The following RIMS2 variants were observed in gnomAD, a reference collection of about 807,000 sequenced individuals.
RIMS2 encodes the protein regulating synaptic membrane exocytosis protein 2.
In RIMS2, 59 loss-of-function variants were observed where a neutral mutation model predicts 174.4. That is an observed-to-expected ratio of 0.34 (90% CI 0.27 to 0.42). The LOEUF (loss-of-function observed/expected upper bound fraction) is 0.42. Among genes scored for constraint, RIMS2 ranks in the 10% least tolerant of loss-of-function variants. RIMS2 has a pLI of 1.00. For missense variants in RIMS2, 1,620 were observed against 1,666.3 expected (o/e 0.97, Z 0.48); for synonymous variants, 606 against 572.5 (o/e 1.06, Z -0.84).
intron 19 of RIMS2, among the ~76,000 whole-genome samples, chr8:104,115,196 CT>C (rs1398872016): frequency 2.0e-5 from 3 of 152,020 alleles, no homozygotes; most frequent in Non-Finnish European, 4.4e-5. Context: ...CTGCCTTTCG[CT>C]TTTTTAAATT....
At chr8:104,190,178 T>C (rs2098990401) in intron 19 of RIMS2, among the ~76,000 whole-genome samples, 1 of 152,050 alleles carries the variant, frequency 6.6e-6, no homozygotes, top group South Asian at 2.1e-4. Context: ...GGTACATGGC[T>C]GTAGACCTAG....
chr8:103,931,288 G>T (rs1183573103), exon 12 of RIMS2: 3 of 1,602,212 alleles, frequency 1.9e-6, no homozygotes, highest in Non-Finnish European at 2.6e-6. Context: ...GACAAGGTTG[G>T]TCACCAATTA....
chr8:103,760,666 A>G (rs1246060435), intron 2 of RIMS2, among the ~76,000 whole-genome samples: 4 of 152,210 alleles, frequency 2.6e-5, no homozygotes, highest in Non-Finnish European at 1.5e-5. Flanking sequence ...TCCAAACACA[A>G]TGTGGGCCAG....
At position 103,958,667 on chromosome 8, in the gene RIMS2, A is replaced by G. The variant is rs1375035089; in HGVS notation, c.2702-2398A>G. Among the ~76,000 whole-genome samples, 4 of 152,210 alleles carry G rather than the reference A, an allele frequency of 2.6e-5. No individual in the cohort carries two copies. The South Asian group carries it at 6.2e-4, about 24-fold the overall frequency. The stretch of plus-strand genomic sequence containing the variant: ...GTACAAAAAACTAAACTCTAGGTGG[A>G]TTAATGACTGAAATATAATTTAAGC... On this transcript the variant is annotated intron_variant, in intron 14 of 23. Coordinates refer to ENST00000504942, the Ensembl canonical transcript of RIMS2.
intron 1 of RIMS2, among the ~76,000 whole-genome samples, chr8:103,662,672 G>GTCTATCTATCTA (rs61138262): frequency 1.5e-4 from 22 of 149,552 alleles, no homozygotes; most frequent in East Asian, 4.0e-4. Flanking sequence ...AGTCAGAAGA[G>GTCTATCTATCTA]TCTATCTATC....
chr8:103,850,036 A>G (rs1032969464), intron 3 of RIMS2, among the ~76,000 whole-genome samples: 2 of 152,050 alleles, frequency 1.3e-5, no homozygotes, highest in Admixed American at 1.3e-4. Flanking sequence ...CAATTACTGA[A>G]TGGATTCCAT....
At chr8:104,059,703 G>T (rs2096942045) in intron 19 of RIMS2, among the ~76,000 whole-genome samples, 1 of 150,256 alleles carries the variant, frequency 6.7e-6, no homozygotes, top group Non-Finnish European at 1.5e-5. Flanking sequence ...ATTGGCTGTG[G>T]GTTTGTCATA....
intron 19 of RIMS2, among the ~76,000 whole-genome samples, chr8:104,096,273 G>C (rs2097760687): frequency 6.6e-6 from 1 of 152,104 alleles, no homozygotes; most frequent in Non-Finnish European, 1.5e-5. Context: ...TGTTTGCCTG[G>C]AGCCCAGATC....
chr8:103,711,954 C>T (rs1269901877), intron 2 of RIMS2, among the ~76,000 whole-genome samples: 1 of 151,618 alleles, frequency 6.6e-6, no homozygotes, highest in East Asian at 1.9e-4. Flanking sequence ...CCCAATATAT[C>T]TGAAAATGCA....
At chr8:103,992,274 A>AATTTTTTTTTTTTTTT (rs1565726059) in intron 17 of RIMS2, among the ~76,000 whole-genome samples, 1 of 107,104 alleles carries the variant, frequency 9.3e-6, no homozygotes, top group Non-Finnish European at 1.8e-5. Flanking sequence ...ATGTCCAGCT[A>AATTTTTTTTTTTTTTT]TTTTTTTTTT....
At chr8:103,549,136 CT>C (rs1237671581) in intron 1 of RIMS2, among the ~76,000 whole-genome samples, 1 of 152,012 alleles carries the variant, frequency 6.6e-6, no homozygotes, top group Non-Finnish European at 1.5e-5. Flanking sequence ...CAAGATACTC[CT>C]CGAGAAGAGC....
intron 3 of RIMS2, among the ~76,000 whole-genome samples, chr8:103,826,369 A>G (rs1032332889): frequency 2.6e-5 from 4 of 151,458 alleles, no homozygotes; most frequent in Non-Finnish European, 5.9e-5. Flanking sequence ...TTTGGTTCAC[A>G]TATATGATCC....
At chr8:103,731,776 A>G (rs767899711) in intron 2 of RIMS2, among the ~76,000 whole-genome samples, 16 of 152,156 alleles carry the variant, frequency 1.1e-4, no homozygotes, top group African/African-American at 1.7e-4. Context: ...TTTGAACTCC[A>G]GAATTTCTGC....
At chr8:103,659,590 T>C (rs2136041875) in intron 1 of RIMS2, among the ~76,000 whole-genome samples, 1 of 152,300 alleles carries the variant, frequency 6.6e-6, no homozygotes, top group Admixed American at 6.5e-5. Context: ...TTTCCAGTTT[T>C]TACTGCTGCA....
At chr8:103,732,328 G>C (rs7821193) in intron 2 of RIMS2, among the ~76,000 whole-genome samples, 4,740 of 152,264 alleles carry the variant, frequency 0.031, 224 homozygotes, top group African/African-American at 0.11. Flanking sequence ...GCTGCCTGGG[G>C]TTGTGGGAGG....
intron 19 of RIMS2, among the ~76,000 whole-genome samples, chr8:104,078,971 C>A (rs1002384740): frequency 1.1e-4 from 17 of 152,020 alleles, no homozygotes; most frequent in Admixed American, 1.0e-3. Context: ...AAGCATGGGT[C>A]CCTTTCCTTT....
At chr8:103,518,869 T>C (rs1190471328) in intron 1 of RIMS2, among the ~76,000 whole-genome samples, 2 of 152,056 alleles carry the variant, frequency 1.3e-5, no homozygotes, top group African/African-American at 4.8e-5. Context: ...AGATCTTGTG[T>C]CTCTATTCTG....
intron 2 of RIMS2, among the ~76,000 whole-genome samples, chr8:103,746,517 A>G (rs946506607): frequency 1.3e-5 from 2 of 152,058 alleles, no homozygotes; most frequent in African/African-American, 2.4e-5. Context: ...AATTTGTGTC[A>G]GGGGGGTTCA....
chr8:104,152,781 G>C lies in RIMS2; in HGVS notation c.3335-92135G>C, dbSNP rs573786711. 2.0e-5 allele frequency among the ~76,000 whole-genome samples: 3 copies of C among 152,080 alleles called. No individual in the cohort carries two copies. The East Asian group carries it at 5.8e-4, about 29-fold the overall frequency. On this transcript the variant is annotated intron_variant, in intron 19 of 23. Coordinates refer to ENST00000504942, the Ensembl canonical transcript of RIMS2. The stretch of plus-strand genomic sequence containing the variant: ...TTTGTGTGTTTTCAGCTATATGTTT[G>C]TATTTTCAAAGACTTGTTTAGTATT...
Sources: gnomAD v4.1 joint callset for allele counts (sites outside exome capture counted in the v4.1 genomes callset) on GRCh38, gnomAD v4.1.1 for gene constraint, MANE v1.5 for transcripts, NCBI Gene and HGNC (gene_info 2026-07-23, HGNC 2026-07-21) for gene names.